Variants in BNC2 observed in about 807,000 individuals in gnomAD.
BNC2 encodes the protein zinc finger protein basonuclin-2.
BNC2 carries 20 observed loss-of-function variants against 76.3 expected under a neutral mutation model. The observed-to-expected ratio is 0.26, with a 90% CI of 0.18 to 0.38. The LOEUF is 0.38. BNC2 is among the 10% of genes least tolerant of loss of function. BNC2 has a pLI of 1.00. For synonymous variants in BNC2, 582 were observed against 514.8 expected, an observed-to-expected ratio of 1.13 and a Z score of -1.77; for missense variants, 1,382 against 1,399.8, an observed-to-expected ratio of 0.99 and a Z score of 0.20.
chr9:16,663,333 A>G (rs1195668441), intron 3 of BNC2, among the ~76,000 whole-genome samples: 1 of 151,714 alleles, frequency 6.6e-6, no homozygotes, highest in Non-Finnish European at 1.5e-5. Flanking sequence ...GGGTTTCACC[A>G]TCTTGGGGCT....
chr9:16,511,141 G>C (rs571359832), intron 5 of BNC2, among the ~76,000 whole-genome samples: 3 of 115,016 alleles, frequency 2.6e-5, no homozygotes, highest in South Asian at 5.6e-4. Context: ...AACAGGTCTT[G>C]TTCTGTCACC....
At chr9:16,741,894 G>C (rs1259988216) in intron 1 of BNC2, among the ~76,000 whole-genome samples, 1 of 135,554 alleles carries the variant, frequency 7.4e-6, no homozygotes, top group African/African-American at 2.7e-5. Context: ...GGAGGTGGAG[G>C]TTGCAGTGAG....
intron 1 of BNC2, among the ~76,000 whole-genome samples, chr9:16,776,661 T>C (rs371259570): frequency 1.1e-4 from 16 of 152,180 alleles, no homozygotes; most frequent in African/African-American, 3.6e-4. Flanking sequence ...ACTAATTCTG[T>C]TATGTGAAAG....
intron 5 of BNC2, among the ~76,000 whole-genome samples, chr9:16,454,399 C>T (rs769765722): frequency 5.3e-5 from 8 of 152,088 alleles, no homozygotes; most frequent in African/African-American, 1.9e-4. Flanking sequence ...CTCCTTGGCT[C>T]AAGCGATACT....
chr9:16,701,376 G>C (rs1332597531), intron 3 of BNC2, among the ~76,000 whole-genome samples: 2 of 152,156 alleles, frequency 1.3e-5, no homozygotes, highest in African/African-American at 4.8e-5. Flanking sequence ...GTTAGGCCTT[G>C]ATTTCTTCAT....
chr9:16,659,565 A>AGG (rs1822046130), intron 3 of BNC2, among the ~76,000 whole-genome samples: 1 of 146,832 alleles, frequency 6.8e-6, no homozygotes, highest in South Asian at 2.1e-4. Flanking sequence ...CCGAGATTGC[A>AGG]CCACTGCACT....
intron 3 of BNC2, among the ~76,000 whole-genome samples, chr9:16,631,237 ATAAT>A (rs1258368460): frequency 1.3e-5 from 2 of 152,222 alleles, no homozygotes; most frequent in African/African-American, 2.4e-5. Flanking sequence ...CAACTTTTAC[ATAAT>A]TAATGAACCA....
chr9:16,794,958 T>C (rs1485176502), intron 1 of BNC2, among the ~76,000 whole-genome samples: 3 of 151,778 alleles, frequency 2.0e-5, no homozygotes, highest in Non-Finnish European at 2.9e-5. Flanking sequence ...GATAAGTTCA[T>C]GATAAAGGAA....
intron 6 of BNC2, among the ~76,000 whole-genome samples, chr9:16,419,856 C>T (rs1048054837): frequency 1.3e-5 from 2 of 152,140 alleles, no homozygotes; most frequent in African/African-American, 4.8e-5. Context: ...ATCAGGGGAA[C>T]TTTCCATTAA....
chr9:16,762,093 T>C (rs1825567700), intron 1 of BNC2, among the ~76,000 whole-genome samples: 1 of 152,178 alleles, frequency 6.6e-6, no homozygotes, highest in African/African-American at 2.4e-5. Flanking sequence ...ATAGTGATAT[T>C]TGTGAGATCA....
intron 3 of BNC2, among the ~76,000 whole-genome samples, chr9:16,698,152 A>C (rs1823393667): frequency 6.6e-6 from 1 of 152,176 alleles, no homozygotes; most frequent in Non-Finnish European, 1.5e-5. Context: ...CAGAAACCAT[A>C]CATCTACCTA....
intron 3 of BNC2, among the ~76,000 whole-genome samples, chr9:16,603,838 G>A (rs746119653): frequency 6.6e-5 from 10 of 151,152 alleles, no homozygotes; most frequent in Admixed American, 2.6e-4. Context: ...TTCTGTTTAG[G>A]TATATTTTCA....
At chr9:16,464,094 CAAAAA>C (rs1324549679) in intron 5 of BNC2, among the ~76,000 whole-genome samples, 2 of 34,756 alleles carry the variant, frequency 5.8e-5, no homozygotes, top group Non-Finnish European at 8.1e-5. Flanking sequence ...ACCCTGTCTC[CAAAAA>C]AAAAAAAAAA....
At chr9:16,774,819 G>A (rs1159437559) in intron 1 of BNC2, among the ~76,000 whole-genome samples, 1 of 152,194 alleles carries the variant, frequency 6.6e-6, no homozygotes, top group Non-Finnish European at 1.5e-5. Context: ...AGGACCCTGA[G>A]TGCTTTAAGC....
chr9:16,587,560 T>G (rs1458900665), intron 3 of BNC2, among the ~76,000 whole-genome samples: 1 of 152,136 alleles, frequency 6.6e-6, no homozygotes, highest in Non-Finnish European at 1.5e-5. Context: ...ACCTACACGT[T>G]TCTCTTCTCT....
At position 16,858,451 on chromosome 9, in the gene BNC2, T is replaced by C. The variant is rs529816876; in HGVS notation, c.3+12195A>G. Among the ~76,000 whole-genome samples, 31 of 152,360 alleles carry C rather than the reference T, an allele frequency of 2.0e-4. No individual in the cohort carries two copies. In the East Asian group the frequency reaches 5.4e-3, roughly 27 times the overall value. Reference sequence around the variant, plus strand: ...TAAACAATAGAATGTACTTTTTTAATGTAGCCTTTACTCTTCTGAGGATCA... The same window carrying C: ...TAAACAATAGAATGTACTTTTTTAACGTAGCCTTTACTCTTCTGAGGATCA... On this transcript the variant is annotated intron_variant, in intron 1 of 6. Coordinates refer to ENST00000380672, the MANE Select transcript of BNC2 (RefSeq NM_017637.6).
chr9:16,732,248 A>G (rs983661071), intron 2 of BNC2, among the ~76,000 whole-genome samples: 1 of 152,080 alleles, frequency 6.6e-6, no homozygotes, highest in African/African-American at 2.4e-5. Context: ...AAGTGAGCAA[A>G]GAATTTTGTT....
intron 3 of BNC2, among the ~76,000 whole-genome samples, chr9:16,646,594 G>C (rs1314811193): frequency 1.3e-5 from 2 of 152,134 alleles, no homozygotes; most frequent in African/African-American, 2.4e-5. Flanking sequence ...GGGGAAAGGA[G>C]ATTAACTGGA....
chr9:16,453,739 C>A (rs547072716), intron 5 of BNC2, among the ~76,000 whole-genome samples: 1 of 152,292 alleles, frequency 6.6e-6, no homozygotes, highest in East Asian at 1.9e-4. Context: ...ACTGCTTGAA[C>A]CCCAGAGGCA....
Sources: allele counts gnomAD v4.1 joint callset (sites outside exome capture counted in the v4.1 genomes callset), GRCh38; gene constraint gnomAD v4.1.1; transcripts MANE v1.5; gene names NCBI Gene and HGNC (gene_info 2026-07-23, HGNC 2026-07-21).